NOL7: variants seen among roughly 807,000 people sequenced by gnomAD.
NOL7 encodes the protein nucleolar protein 7.
NOL7 carries 36 observed loss-of-function variants against 38.4 expected under a neutral mutation model. The ratio of observed to expected loss-of-function variants is 0.94; its 90% confidence interval spans 0.72 to 1.24. The LOEUF is 1.24. Ranked by LOEUF, NOL7 falls within the 50% of genes most tolerant of loss-of-function variation. The pLI is 0.00. For missense variants in NOL7, 350 were observed against 315.1 expected (o/e 1.11, Z -0.84); for synonymous variants, 142 against 126.5 (o/e 1.12, Z -0.82).
Position 13,615,639 on chromosome 6 carries a change from G to T in NOL7, c.266+15G>T, listed in dbSNP as rs766667814. Reference sequence around the variant, plus strand: ...ACCGTGCGCAGGTTCGGAGCCCGCTGCCCGGCGGGGAGAACCGCCCTTTCT... The same window carrying T: ...ACCGTGCGCAGGTTCGGAGCCCGCTTCCCGGCGGGGAGAACCGCCCTTTCT... On this transcript the variant is annotated intron_variant, in intron 1 of 7. Coordinates refer to ENST00000451315, the MANE Select transcript of NOL7 (RefSeq NM_016167.5). The T allele has an allele frequency of 4.3e-6, 7 of 1,609,530 alleles. No individual in the cohort carries two copies. Among genetic ancestry groups the T allele is most frequent in the Non-Finnish European group, 5.9e-6 (7 of 1,177,524 alleles).
At chr6:13,625,922 T>C (rs573283478), downstream of NOL7, among the ~76,000 whole-genome samples, 460 of 152,366 alleles carry the variant, frequency 3.0e-3, 2 homozygotes, top group South Asian at 9.7e-3. Flanking sequence ...TCTACATTTT[T>C]GAACATTAAA....
At chr6:13,627,631 A>C (rs1764648839) in intron 8 of NOL7, among the ~76,000 whole-genome samples, 1 of 103,764 alleles carries the variant, frequency 9.6e-6, no homozygotes, top group Non-Finnish European at 2.1e-5. Context: ...CTCCATCTCC[A>C]AAAAAAAAAA....
At chr6:13,625,764 C>T (rs142527632), downstream of NOL7, 957 of 1,588,316 alleles carry the variant, frequency 6.0e-4, 1 homozygote, top group Non-Finnish European at 7.9e-4. Flanking sequence ...CTGAATGCAT[C>T]CTGTTGAAAA....
chr6:13,628,340 GTAAA>G (rs1196514951), intron 8 of NOL7, among the ~76,000 whole-genome samples: 2 of 152,134 alleles, frequency 1.3e-5, no homozygotes, highest in African/African-American at 4.8e-5. Flanking sequence ...AGGCTTACAT[GTAAA>G]TAAATAACAC....
At chr6:13,624,250 C>CT (rs1232167271), downstream of NOL7, among the ~76,000 whole-genome samples, 3 of 152,214 alleles carry the variant, frequency 2.0e-5, no homozygotes, top group African/African-American at 7.2e-5. Context: ...AAGAAACAGA[C>CT]TGAGTCTTAA....
intron 4 of NOL7, 78 bp downstream of exon 4, chr6:13,617,879 GGCCCTTA>G: frequency 7.1e-7 from 1 of 1,418,052 alleles, no homozygotes; most frequent in Non-Finnish European, 1.0e-6. Flanking sequence ...AAATATGAAT[GGCCCTTA>G]GAAAGCCAGC....
rs775964627 is a variant in NOL7, at chr6:13,620,861, G to GTA, written c.*37_*38dup. On this transcript the variant is annotated 3_prime_UTR_variant, in exon 8 of 8. Coordinates refer to ENST00000451315, the MANE Select transcript of NOL7 (RefSeq NM_016167.5). The stretch of plus-strand genomic sequence containing the variant: ...TAAATGAAGAATCTGTACTTTGTAT[G>GTA]TATAGAATTTATCTAATAAATCATT... 7 of 1,261,078 alleles carry GTA rather than the reference G, an allele frequency of 5.6e-6. No individual in the cohort carries two copies. The African/African-American group carries it at 9.0e-5, about 16-fold the overall frequency. The allele number at this position is 1,261,078 out of a possible 1,614,324, so 78.1% of individuals were successfully genotyped here.
chr6:13,632,118 C>CTTTTTTTTTT (rs752500098), intron 8 of NOL7, among the ~76,000 whole-genome samples: 2 of 74,964 alleles, frequency 2.7e-5, no homozygotes, highest in South Asian at 4.9e-4. Flanking sequence ...GGATTTAATC[C>CTTTTTTTTTT]TTTTTTTTTT....
chr6:13,630,777 T>C (rs1422566644), intron 8 of NOL7, among the ~76,000 whole-genome samples: 1 of 152,194 alleles, frequency 6.6e-6, no homozygotes, highest in African/African-American at 2.4e-5. Context: ...ACAGCTCACC[T>C]ATTAAACCAA....
At chr6:13,622,752 C>T (rs2127756762), downstream of NOL7, among the ~76,000 whole-genome samples, 1 of 152,310 alleles carries the variant, frequency 6.6e-6, no homozygotes, top group Middle Eastern at 3.4e-3. Flanking sequence ...TACTAAAATA[C>T]TTCCATATTA....
At chr6:13,626,250 C>A (rs369025531), downstream of NOL7, among the ~76,000 whole-genome samples, 11 of 152,214 alleles carry the variant, frequency 7.2e-5, no homozygotes, top group African/African-American at 2.7e-4. Flanking sequence ...CCCTTCAGGA[C>A]CTGTTTATGC....
intron 5 of NOL7, 89 bp downstream of exon 5, chr6:13,618,228 T>C: frequency 2.2e-6 from 1 of 456,940 alleles, no homozygotes; most frequent in Non-Finnish European, 3.7e-6. Flanking sequence ...TTTTATTTTA[T>C]TTTATTTTAT....
At position 13,620,850 on chromosome 6, in the gene NOL7, G is replaced by A. The variant is rs758336030; in HGVS notation, c.*23G>A. 7 of 1,385,222 alleles carry A rather than the reference G, an allele frequency of 5.1e-6. No individual in the cohort carries two copies. Among genetic ancestry groups the A allele is most frequent in the South Asian group, 3.8e-5 (3 of 79,918 alleles). 85.8% of individuals were successfully genotyped at this position (1,385,222 alleles called of 1,614,324 possible). ...TAAATCAATGCTAAATGAAGAATCT[G>A]TACTTTGTATGTATAGAATTTATCT... On this transcript the variant is annotated 3_prime_UTR_variant, in exon 8 of 8. Coordinates refer to ENST00000451315, the MANE Select transcript of NOL7 (RefSeq NM_016167.5).
In NOL7 at chr6:13,615,700, C is replaced by G. The variant is rs1200782104; in HGVS notation, c.267-12C>G. ...GTCCTTCCCTTTGCTGACTTATCACCCTTCCTCCCAGGGATAAAACGCTCC... is the reference window on the plus strand; with the variant it reads ...GTCCTTCCCTTTGCTGACTTATCACGCTTCCTCCCAGGGATAAAACGCTCC... On this transcript the variant is annotated splice_polypyrimidine_tract_variant and intron_variant, in intron 1 of 7. Coordinates refer to ENST00000451315, the MANE Select transcript of NOL7 (RefSeq NM_016167.5). 1 of 1,614,058 alleles carries G rather than the reference C, an allele frequency of 6.2e-7. No homozygotes were observed. The highest frequency in any genetic ancestry group is 8.5e-7 in the Non-Finnish European group (1 of 1,180,038).
At chr6:13,618,782 T>A (rs574353577) in intron 5 of NOL7, among the ~76,000 whole-genome samples, 3 of 152,156 alleles carry the variant, frequency 2.0e-5, no homozygotes, top group African/African-American at 7.2e-5. Context: ...TCCCAGCTAC[T>A]CCAGAGGCCA....
intron 3 of NOL7, among the ~76,000 whole-genome samples, 192 bp downstream of exon 3, chr6:13,616,713 A>G (rs1389501039): frequency 6.6e-6 from 1 of 152,198 alleles, no homozygotes; most frequent in African/African-American, 2.4e-5. Context: ...ATTTTTGTTC[A>G]TTCCCATAGC....
At chr6:13,615,876 G>T in intron 2 of NOL7, 104 bp downstream of exon 2, 1 of 1,175,110 alleles carries the variant, frequency 8.5e-7, no homozygotes, top group Non-Finnish European at 1.2e-6. Flanking sequence ...TGGGGAAACA[G>T]TCACCAAGAT....
chr6:13,625,903 C>G (rs1402169185), downstream of NOL7: 1 of 553,404 alleles, frequency 1.8e-6, no homozygotes, highest in Non-Finnish European at 3.3e-6. Flanking sequence ...ACTCCCAGCA[C>G]TGGGACGCTC....
intron 8 of NOL7, among the ~76,000 whole-genome samples, chr6:13,627,628 T>TC (rs767269676): frequency 4.6e-4 from 34 of 73,764 alleles, no homozygotes; most frequent in Admixed American, 7.9e-4. Context: ...AGACTCCATC[T>TC]CCAAAAAAAA....
Sources: gnomAD v4.1 joint callset for allele counts (sites outside exome capture counted in the v4.1 genomes callset) on GRCh38, gnomAD v4.1.1 for gene constraint, MANE v1.5 for transcripts, NCBI Gene and HGNC (gene_info 2026-07-23, HGNC 2026-07-21) for gene names.